PIERCE1: variants seen among roughly 807,000 people sequenced by gnomAD.
The protein encoded by PIERCE1 is piercer of microtubule wall 1, also known as piercer of microtubule wall 1 protein.
At chr9:135,495,347 G>A in the PIERCE1 span, 4 of 1,301,826 alleles carry the variant, frequency 3.1e-6, no homozygotes, top group Non-Finnish European at 4.3e-6. Flanking sequence ...GTCACAATCG[G>A]GCGACTGTGG....
the PIERCE1 span, among the ~76,000 whole-genome samples, chr9:135,497,487 A>C: frequency 3.3e-5 from 5 of 151,980 alleles, no homozygotes; most frequent in Admixed American, 3.3e-4. Context: ...TGGCATGATC[A>C]AGGCTGACTG....
chr9:135,495,303 T>C, the PIERCE1 span: 1 of 913,128 alleles, frequency 1.1e-6, no homozygotes, highest in Non-Finnish European at 1.7e-6. Flanking sequence ...CGCAGACGAA[T>C]AATATTTTCA....
At chr9:135,497,028 C>T in the PIERCE1 span, among the ~76,000 whole-genome samples, 1 of 152,204 alleles carries the variant, frequency 6.6e-6, no homozygotes, top group Non-Finnish European at 1.5e-5. Flanking sequence ...AACTCCTGAC[C>T]TCAGGTGATC....
chr9:135,496,221 G>C, the PIERCE1 span, among the ~76,000 whole-genome samples: 1 of 152,260 alleles, frequency 6.6e-6, no homozygotes, highest in Non-Finnish European at 1.5e-5. Flanking sequence ...GGAGGCTGAG[G>C]CAGGAGAATT....
chr9:135,496,991 T>G, the PIERCE1 span, among the ~76,000 whole-genome samples: 1 of 151,990 alleles, frequency 6.6e-6, no homozygotes, highest in African/African-American at 2.4e-5. Context: ...GAGACGGGGT[T>G]TCGCCATGTT....
the PIERCE1 span, among the ~76,000 whole-genome samples, chr9:135,496,272 G>A: frequency 6.6e-6 from 1 of 152,360 alleles, no homozygotes; most frequent in Middle Eastern, 3.4e-3. Context: ...AGCCGAGATT[G>A]TGCCATTGCA....
At chr9:135,497,347 A>G in the PIERCE1 span, among the ~76,000 whole-genome samples, 1 of 152,104 alleles carries the variant, frequency 6.6e-6, no homozygotes, top group African/African-American at 2.4e-5. Context: ...ATGGCCTTTT[A>G]TAAAACCTAA....
chr9:135,495,517 G>A, the PIERCE1 span: 20 of 1,613,996 alleles, frequency 1.2e-5, no homozygotes, highest in African/African-American at 6.7e-5. Context: ...GGCCAGTCAC[G>A]ATGCTTTTCT....
chr9:135,497,673 C>T, the PIERCE1 span, among the ~76,000 whole-genome samples: 3 of 152,170 alleles, frequency 2.0e-5, no homozygotes, highest in Non-Finnish European at 4.4e-5. Flanking sequence ...GATCCTCTCA[C>T]CTCAGCCTCC....
the PIERCE1 span, chr9:135,499,686 C>G: frequency 6.2e-7 from 1 of 1,606,392 alleles, no homozygotes; most frequent in East Asian, 2.3e-5. Flanking sequence ...ACGCCAGGAC[C>G]AGGCGGGCCC....
At chr9:135,495,294 G>C in the PIERCE1 span, 2 of 839,662 alleles carry the variant, frequency 2.4e-6, no homozygotes, top group Non-Finnish European at 3.8e-6. Context: ...TTCCTACTCC[G>C]CAGACGAATA....
the PIERCE1 span, chr9:135,499,842 C>A: frequency 3.2e-6 from 5 of 1,583,500 alleles, no homozygotes; most frequent in Non-Finnish European, 4.3e-6. Context: ...CTGGGGCATT[C>A]CTCAGCCATT....
At chr9:135,496,479 G>A in the PIERCE1 span, among the ~76,000 whole-genome samples, 1 of 152,358 alleles carries the variant, frequency 6.6e-6, no homozygotes, top group South Asian at 2.1e-4. Flanking sequence ...AGAGGATCCT[G>A]TGCCACGCAC....
At chr9:135,495,658 C>T in the PIERCE1 span, 1 of 1,463,112 alleles carries the variant, frequency 6.8e-7, no homozygotes, top group Non-Finnish European at 9.4e-7. Flanking sequence ...GTATAATACT[C>T]TTGAGCAATC....
the PIERCE1 span, chr9:135,498,480 C>A: frequency 5.4e-6 from 5 of 922,140 alleles, no homozygotes; most frequent in East Asian, 2.5e-5. This position sits in a 1 kb window ranked among gnomAD's most constrained non-coding sequence, Gnocchi z 4.1. Flanking sequence ...CCTGGGTGCA[C>A]CCCTCCCCGT....
the PIERCE1 span, among the ~76,000 whole-genome samples, chr9:135,498,080 G>T: frequency 1.3e-5 from 2 of 152,114 alleles, no homozygotes; most frequent in Non-Finnish European, 2.9e-5. This position sits in a 1 kb window ranked among gnomAD's most constrained non-coding sequence, Gnocchi z 4.1. Flanking sequence ...GCTCAAAAAG[G>T]GTTTGGCTTC....
the PIERCE1 span, chr9:135,498,503 C>T: frequency 8.5e-7 from 1 of 1,177,640 alleles, no homozygotes; most frequent in Non-Finnish European, 1.3e-6. This position sits in a 1 kb window ranked among gnomAD's most constrained non-coding sequence, Gnocchi z 4.1. Flanking sequence ...CATTGTTGAC[C>T]TGTTGAGAAC....
At chr9:135,498,468 T>C in the PIERCE1 span, 6 of 829,804 alleles carry the variant, frequency 7.2e-6, no homozygotes, top group African/African-American at 1.0e-4. This position sits in a 1 kb window ranked among gnomAD's most constrained non-coding sequence, Gnocchi z 4.1. Flanking sequence ...TTTGGCCTCC[T>C]CCCTGGGTGC....
the PIERCE1 span, chr9:135,498,828 T>C: frequency 4.6e-6 from 3 of 650,502 alleles, no homozygotes; most frequent in Non-Finnish European, 8.3e-6. The surrounding 1 kb of genome is among the most constrained non-coding windows in gnomAD (Gnocchi z 4.1). Context: ...AGTACCTGGC[T>C]GATGACCGTT....
Sources: allele counts gnomAD v4.1 joint callset (sites outside exome capture counted in the v4.1 genomes callset), GRCh38; gene constraint gnomAD v4.1.1; non-coding constraint Gnocchi (gnomAD v3.1); transcripts MANE v1.5; gene names NCBI Gene and HGNC (gene_info 2026-07-23, HGNC 2026-07-21).